Variants in EDIL3 observed in about 807,000 individuals in gnomAD.
EDIL3 encodes the protein EGF like and discoidin domains 3.
A neutral mutation model predicts 67.4 loss-of-function variants in EDIL3; 37 were observed. That is an observed-to-expected ratio of 0.55 (90% CI 0.42 to 0.72). The LOEUF is 0.72. EDIL3 is among the 30% of genes least tolerant of loss of function. EDIL3 has a pLI of 0.00. For synonymous variants in EDIL3, 195 were observed against 196.3 expected, an observed-to-expected ratio of 0.99 and a Z score of 0.05; for missense variants, 527 against 586.3, an observed-to-expected ratio of 0.90 and a Z score of 1.04.
intron 4 of EDIL3, among the ~76,000 whole-genome samples, chr5:84,179,509 C>T (rs752197399): frequency 1.3e-5 from 2 of 152,206 alleles, no homozygotes; most frequent in Non-Finnish European, 2.9e-5. Context: ...CCTGAAGGCA[C>T]TCTGTTTTTT....
At chr5:84,238,584 A>G (rs1744724961) in intron 2 of EDIL3, among the ~76,000 whole-genome samples, 1 of 150,254 alleles carries the variant, frequency 6.7e-6, no homozygotes, top group South Asian at 2.1e-4. Context: ...CTAATGTGCT[A>G]CTGCCTTTAT....
At chr5:84,129,770 A>G (rs894914283) in intron 5 of EDIL3, among the ~76,000 whole-genome samples, 5 of 152,242 alleles carry the variant, frequency 3.3e-5, no homozygotes, top group African/African-American at 1.2e-4. Context: ...TGATGTTTTA[A>G]AAATCCCTTG....
At chr5:84,061,069 T>C (rs980577199) in intron 8 of EDIL3, among the ~76,000 whole-genome samples, 13 of 152,124 alleles carry the variant, frequency 8.5e-5, no homozygotes, top group African/African-American at 3.1e-4. Context: ...AGGAATCTAG[T>C]ATTTACTGAG....
chr5:84,240,150 A>G (rs564204859), intron 2 of EDIL3, among the ~76,000 whole-genome samples: 1 of 152,364 alleles, frequency 6.6e-6, no homozygotes, highest in Non-Finnish European at 1.5e-5. Flanking sequence ...CCTGTCAAAA[A>G]TAAAATAATT....
intron 1 of EDIL3, among the ~76,000 whole-genome samples, chr5:84,303,850 T>TGTTTGTG (rs34555925): frequency 1.0e-5 from 1 of 99,180 alleles, no homozygotes; most frequent in African/African-American, 3.9e-5. Flanking sequence ...GTGTGTGTGT[T>TGTTTGTG]TGTGTGTGTG....
At chr5:84,203,374 A>T (rs114350512) in intron 3 of EDIL3, among the ~76,000 whole-genome samples, 3,802 of 152,308 alleles carry the variant, frequency 0.025, 80 homozygotes, top group Middle Eastern at 0.058. Flanking sequence ...TCAGATAAAA[A>T]AAGTCTCCAG....
intron 1 of EDIL3, among the ~76,000 whole-genome samples, chr5:84,264,546 G>T (rs150954577): frequency 2.0e-5 from 3 of 152,254 alleles, no homozygotes; most frequent in African/African-American, 7.2e-5. Flanking sequence ...TACCAGATAG[G>T]TGTGATGAGG....
chr5:84,058,122 T>C (rs1746480840), intron 9 of EDIL3, among the ~76,000 whole-genome samples: 1 of 152,118 alleles, frequency 6.6e-6, no homozygotes, highest in African/African-American at 2.4e-5. Context: ...GCTCTTTCCA[T>C]TCATTTCTTA....
At chr5:84,354,217 A>T (rs934516837) in intron 1 of EDIL3, among the ~76,000 whole-genome samples, 7 of 151,702 alleles carry the variant, frequency 4.6e-5, no homozygotes, top group Non-Finnish European at 7.4e-5. Context: ...GAATACCAAG[A>T]ATGCACAGTA....
intron 1 of EDIL3, among the ~76,000 whole-genome samples, chr5:84,328,312 G>A (rs979352696): frequency 1.3e-5 from 2 of 151,938 alleles, no homozygotes; most frequent in African/African-American, 4.8e-5. Context: ...GAACACTTAG[G>A]CCATGAAGAT....
chr5:84,133,984 A>T (rs1453062193), intron 5 of EDIL3, among the ~76,000 whole-genome samples: 12 of 151,958 alleles, frequency 7.9e-5, no homozygotes, highest in Admixed American at 7.2e-4. Flanking sequence ...TTTTTTGCCT[A>T]GTATTAAAAG....
intron 6 of EDIL3, among the ~76,000 whole-genome samples, chr5:84,073,360 G>C (rs899820649): frequency 1.3e-5 from 2 of 152,156 alleles, no homozygotes; most frequent in Admixed American, 1.3e-4. Flanking sequence ...AATTAGGAAG[G>C]AGAAGGAAAT....
intron 9 of EDIL3, among the ~76,000 whole-genome samples, chr5:83,984,210 C>A (rs1480035247): frequency 1.3e-5 from 2 of 151,812 alleles, no homozygotes; most frequent in East Asian, 3.9e-4. Flanking sequence ...TGAGACAAGT[C>A]GAGCAAGGCA....
At position 84,217,008 on chromosome 5, in the gene EDIL3, A is replaced by G. The variant is rs141956987; in HGVS notation, c.226+12847T>C. Among the ~76,000 whole-genome samples the G allele has an allele frequency of 8.5e-4, 130 of 152,296 alleles. 2 individuals carry two copies. In the East Asian group the frequency reaches 0.019, roughly 22 times the overall value. ...CCCTGAAGTTCAGACCTGAAGGCCCATGGCATTTTATCTTATCCATCCTAT... is the reference window on the plus strand; with the variant it reads ...CCCTGAAGTTCAGACCTGAAGGCCCGTGGCATTTTATCTTATCCATCCTAT... On this transcript the variant is annotated intron_variant, in intron 3 of 10. Coordinates refer to ENST00000296591, the MANE Select transcript of EDIL3 (RefSeq NM_005711.5).
chr5:84,074,518 C>T (rs4554190), intron 6 of EDIL3, among the ~76,000 whole-genome samples: 2 of 151,566 alleles, frequency 1.3e-5, no homozygotes, highest in African/African-American at 2.4e-5. Context: ...AACAAATAAC[C>T]CCATCAAAAA....
intron 5 of EDIL3, among the ~76,000 whole-genome samples, chr5:84,135,740 T>G (rs1470605425): frequency 6.6e-6 from 1 of 152,158 alleles, no homozygotes; most frequent in African/African-American, 2.4e-5. Flanking sequence ...TACTCAGCCT[T>G]CCCTTTCCAT....
chr5:84,160,778 TCC>T (rs1748593062), intron 4 of EDIL3, among the ~76,000 whole-genome samples: 1 of 57,462 alleles, frequency 1.7e-5, no homozygotes, highest in African/African-American at 5.2e-5. Context: ...TCCTTTCCTT[TCC>T]TTTCCTTTCC....
At chr5:84,268,137 C>CAATAAATAAATAAATAAATAAATA in intron 1 of EDIL3, among the ~76,000 whole-genome samples, 1 of 151,244 alleles carries the variant, frequency 6.6e-6, no homozygotes, top group African/African-American at 2.4e-5. Flanking sequence ...ATCTCGTCTC[C>CAATAAATAAATAAATAAATAAATA]AATAAATAAA....
At chr5:84,270,602 G>A (rs1212460091) in intron 1 of EDIL3, among the ~76,000 whole-genome samples, 2 of 151,896 alleles carry the variant, frequency 1.3e-5, no homozygotes, top group African/African-American at 4.8e-5. Flanking sequence ...TTGCTTTAAC[G>A]AACACCAACA....
Sources: allele counts gnomAD v4.1 joint callset (sites outside exome capture counted in the v4.1 genomes callset), GRCh38; gene constraint gnomAD v4.1.1; transcripts MANE v1.5; gene names NCBI Gene and HGNC (gene_info 2026-07-23, HGNC 2026-07-21).